Variants in CLIC6 observed in about 807,000 individuals in gnomAD.
CLIC6 encodes the protein CLIC family member 6, also known as chloride intracellular channel protein 6.
A neutral mutation model predicts 49.2 loss-of-function variants in CLIC6; 39 were observed. The observed-to-expected ratio is 0.79, with a 90% CI of 0.61 to 1.04. CLIC6 has a LOEUF of 1.04. Ranked by LOEUF, CLIC6 falls within the 50% of genes least tolerant of loss-of-function variation. The pLI is 0.00. For missense variants in CLIC6, 988 were observed against 993.1 expected (o/e 0.99, Z 0.07); for synonymous variants, 446 against 433.4 (o/e 1.03, Z -0.36).
At chr21:34,688,369 C>T (rs2236610) in intron 1 of CLIC6, among the ~76,000 whole-genome samples, 2 of 152,058 alleles carry the variant, frequency 1.3e-5, no homozygotes, top group Non-Finnish European at 2.9e-5. Flanking sequence ...CCCACTAGAG[C>T]GCAGGCGAGG....
intron 1 of CLIC6, among the ~76,000 whole-genome samples, chr21:34,673,869 T>G (rs1989614797): frequency 6.6e-6 from 1 of 152,226 alleles, no homozygotes; most frequent in Admixed American, 6.5e-5. Context: ...GCTCCTTTTT[T>G]GGGCTCAGTT....
intron 5 of CLIC6, among the ~76,000 whole-genome samples, chr21:34,713,457 G>T (rs182429366): frequency 6.6e-6 from 1 of 152,178 alleles, no homozygotes; most frequent in Non-Finnish European, 1.5e-5. Flanking sequence ...AGACACAGAC[G>T]AAGACATTGC....
chr21:34,708,704 C>T lies in CLIC6; in HGVS notation c.1615C>T (p.Pro539Ser), dbSNP rs1416855022. Residue 539 changes from proline to serine, a missense_variant, in exon 4 of 6, where the codon CCC becomes TCC. Coordinates refer to ENST00000349499, the MANE Select transcript of CLIC6 (RefSeq NM_053277.3). ...LEEKLAPPRY[P>S]KLGTQHPESN... ...TCCAATTTTGAACTTTTCAAGGTATCCCAAGCTGGGGACCCAACATCCCGA... is the reference window on the plus strand; with the variant it reads ...TCCAATTTTGAACTTTTCAAGGTATTCCAAGCTGGGGACCCAACATCCCGA... 5.0e-6 allele frequency: 8 copies of T among 1,612,832 alleles called. No homozygotes were observed. The highest frequency in any genetic ancestry group is 6.8e-6 in the Non-Finnish European group (8 of 1,178,938).
intron 1 of CLIC6, among the ~76,000 whole-genome samples, chr21:34,671,051 C>T (rs1372507748): frequency 6.7e-6 from 1 of 149,328 alleles, no homozygotes; most frequent in Non-Finnish European, 1.5e-5. Flanking sequence ...CAGCATCCCA[C>T]TGTCCTTTGA....
In CLIC6 at chr21:34,675,812, G is replaced by A. The variant is rs536919032; in HGVS notation, c.1374+5050G>A. On this transcript the variant is annotated intron_variant, in intron 1 of 5. Coordinates refer to ENST00000349499, the MANE Select transcript of CLIC6 (RefSeq NM_053277.3). ...TTTTGGTGCAGATAAATAGTGGGTC[G>A]GGTGGATGGCTAATTGGTAAGACAC... 6.6e-5 allele frequency among the ~76,000 whole-genome samples: 10 copies of A among 152,250 alleles called. No individual in the cohort carries two copies. In the East Asian group the frequency reaches 9.7e-4, roughly 15 times the overall value.
Position 34,670,987 on chromosome 21 carries a change from G to A in CLIC6, c.1374+225G>A, listed in dbSNP as rs574928191. Among the ~76,000 whole-genome samples the A allele has an allele frequency of 5.9e-5, 9 of 151,942 alleles. No individual in the cohort carries two copies. The South Asian group carries it at 1.5e-3, about 25-fold the overall frequency. ...TGGTTTGGAAGCAAAGACTTTGGGGGTGGGGGCGACGGGGAGTGCGATGGG... is the reference window on the plus strand; with the variant it reads ...TGGTTTGGAAGCAAAGACTTTGGGGATGGGGGCGACGGGGAGTGCGATGGG... On this transcript the variant is annotated intron_variant, in intron 1 of 5. Transcript: ENST00000349499.
rs2056097505 is a variant in CLIC6, at chr21:34,718,017, C to T, written c.*1535C>T. The T allele has an allele frequency of 6.6e-6, 1 of 152,610 alleles. No homozygotes were observed. Among genetic ancestry groups the T allele is most frequent in the African/African-American group, 2.4e-5 (1 of 41,442 alleles). 9.5% of individuals were successfully genotyped at this position (152,610 alleles called of 1,614,324 possible). ...ATACGTTTTTGGAGATTGGGTCTAG[C>T]ACATGTCACCCTTGTCCACGTTGTT... is the stretch of plus-strand genomic sequence containing the variant. On this transcript the variant is annotated 3_prime_UTR_variant, in exon 6 of 6. Coordinates refer to ENST00000349499, the MANE Select transcript of CLIC6 (RefSeq NM_053277.3).
In CLIC6 at chr21:34,669,667, C is replaced by T. The variant is rs1293281161; in HGVS notation, c.279C>T (p.Ala93=). ...CCGAGGAGGGAGCCCCGGAGGGTGC[C>T]GAGGTGCCCCAAGGAGGGGAGGAGA... ...TEAEEGAPEG[A]EVPQGGEETS... The change falls in exon 1 of 6, where the codon GCC becomes GCT. Residue 93 remains alanine, a synonymous_variant. Transcript: ENST00000349499. 2 of 1,343,520 alleles carry T rather than the reference C, an allele frequency of 1.5e-6. No homozygotes were observed. The highest frequency in any genetic ancestry group is 3.9e-5 in the Admixed American group (1 of 25,368). 83.2% of individuals were successfully genotyped at this position (1,343,520 alleles called of 1,614,324 possible). A position where few individuals can be genotyped will look rare whatever the true frequency, so the allele number is the denominator to read the frequency against.
chr21:34,713,270 A>G (rs2056068084), intron 5 of CLIC6, among the ~76,000 whole-genome samples: 1 of 152,256 alleles, frequency 6.6e-6, no homozygotes, highest in African/African-American at 2.4e-5. Context: ...ATTTTTCTAC[A>G]GCCTCAAAGA....
At chr21:34,693,156 C>T (rs1266138526) in intron 1 of CLIC6, among the ~76,000 whole-genome samples, 2 of 152,206 alleles carry the variant, frequency 1.3e-5, no homozygotes, top group African/African-American at 4.8e-5. Flanking sequence ...GACAAAAAGA[C>T]ATTGCCTTCT....
At position 34,704,336 on chromosome 21, in the gene CLIC6, G is replaced by A. The variant is rs539629493; in HGVS notation, c.1375-2944G>A. Among the ~76,000 whole-genome samples, 3 of 152,288 alleles carry A rather than the reference G, an allele frequency of 2.0e-5. No homozygotes were observed. In the South Asian group the frequency reaches 6.2e-4, roughly 32 times the overall value. On this transcript the variant is annotated intron_variant, in intron 1 of 5. Coordinates refer to ENST00000349499, the MANE Select transcript of CLIC6 (RefSeq NM_053277.3). ...TTAAAGTAATAAAATTAGGCAGCAA[G>A]TCATCCCAGTCACTCCCACCATGTT...
chr21:34,712,994 G>T (rs576759340), intron 5 of CLIC6, among the ~76,000 whole-genome samples: 12 of 152,304 alleles, frequency 7.9e-5, no homozygotes, highest in African/African-American at 2.2e-4. Context: ...TATTCCAGTT[G>T]GTTGGCCACC....
chr21:34,669,709 G>T lies in CLIC6; in HGVS notation c.321G>T (p.Gln107His), dbSNP rs1989491777. The change falls in exon 1 of 6, where the codon CAG becomes CAT. Residue 107 changes from glutamine (Q) to histidine (H), a missense_variant. Gln to His is a conservative substitution (Grantham distance 24). Around this residue, in one of 3 missense-constraint regions of CLIC6, gnomAD observed 284 missense variants for 278.6 expected, o/e 1.02. Transcript: ENST00000349499. ...GGGAGGAGACAAGCGGCGCGCAGCA[G>T]GTGGAGGGGGCGAGCCCGGGACGCG... ...QGGEETSGAQ[Q>H]VEGASPGRGA... The T allele has an allele frequency of 7.3e-7, 1 of 1,372,766 alleles. No individual in the cohort carries two copies. The highest frequency in any genetic ancestry group is 1.5e-5 in the African/African-American group (1 of 65,152). The allele number at this position is 1,372,766 out of a possible 1,614,324, so 85.0% of individuals were successfully genotyped here.
At chr21:34,700,306 G>A (rs1274984074) in intron 1 of CLIC6, among the ~76,000 whole-genome samples, 1 of 141,294 alleles carries the variant, frequency 7.1e-6, no homozygotes, top group East Asian at 2.0e-4. Context: ...AATTAGCCGT[G>A]CGTGGTGCCG....
chr21:34,703,577 A>C (rs2055994262), intron 1 of CLIC6, among the ~76,000 whole-genome samples: 1 of 152,176 alleles, frequency 6.6e-6, no homozygotes, highest in African/African-American at 2.4e-5. Flanking sequence ...TGCCTGAACA[A>C]AAAGAAGGAA....
At chr21:34,702,369 C>G (rs535254576) in intron 1 of CLIC6, among the ~76,000 whole-genome samples, 2 of 152,188 alleles carry the variant, frequency 1.3e-5, no homozygotes, top group African/African-American at 4.8e-5. Flanking sequence ...GGCGTGGGGG[C>G]GCAGGCTGGG....
At chr21:34,706,035 T>C (rs2056012102) in intron 1 of CLIC6, 1 of 682,538 alleles carries the variant, frequency 1.5e-6, no homozygotes, top group Non-Finnish European at 2.7e-6. Flanking sequence ...AGGTAAAACT[T>C]ACTGCATTAG....
rs1276437613 is a variant in CLIC6, at chr21:34,669,855, C to A, written c.467C>A (p.Ala156Glu). The change falls in exon 1 of 6, where the codon GCG becomes GAG. Residue 156 changes from alanine to glutamate, a missense_variant. By Grantham distance (107) the Ala-to-Glu change is moderately radical (BLOSUM62 -1). This residue lies in a region of CLIC6 where 284 missense variants were observed against 278.6 expected (regional missense o/e 1.02). Coordinates refer to ENST00000349499, the MANE Select transcript of CLIC6 (RefSeq NM_053277.3). ...CCGGAAGGTAGCGCGTCCGGGGAGGCGGGGGACAGCGTAGACGCGGAGGGC... is the reference window on the plus strand; with the variant it reads ...CCGGAAGGTAGCGCGTCCGGGGAGGAGGGGGACAGCGTAGACGCGGAGGGC... ...EVPEGSASGE[A>E]GDSVDAEGPL... The A allele has an allele frequency of 1.9e-5, 26 of 1,400,962 alleles. No individual in the cohort carries two copies. The East Asian group carries it at 7.1e-4, about 38-fold the overall frequency. The allele number at this position is 1,400,962 out of a possible 1,614,324, so 86.8% of individuals were successfully genotyped here.
At chr21:34,709,319 C>G (rs753923490) in intron 4 of CLIC6, 38 bp from the exon 5 acceptor site, 9 of 1,583,376 alleles carry the variant, frequency 5.7e-6, no homozygotes, top group African/African-American at 1.4e-5. Context: ...CATGCACTTG[C>G]AAACCTCTCT....
Sources: gnomAD v4.1 joint callset for allele counts (sites outside exome capture counted in the v4.1 genomes callset) on GRCh38, gnomAD v4.1.1 for gene constraint, gnomAD v4.1.1 regional missense constraint, MANE v1.5 for transcripts, NCBI Gene and HGNC (gene_info 2026-07-23, HGNC 2026-07-21) for gene names.